Variants in TENM4 observed in about 807,000 individuals in gnomAD.
TENM4 encodes the protein teneurin transmembrane protein 4.
A neutral mutation model predicts 243.3 loss-of-function variants in TENM4; 82 were observed. That is an observed-to-expected ratio of 0.34 (90% CI 0.28 to 0.40). The LOEUF (loss-of-function observed/expected upper bound fraction) is 0.40, where lower values mean the gene tolerates loss of function less well. Among genes scored for constraint, TENM4 ranks in the 10% least tolerant of loss-of-function variants. TENM4 has a pLI of 1.00. For missense variants in TENM4, 3,138 were observed against 3,673.3 expected (o/e 0.85, Z 3.77); for synonymous variants, 1,412 against 1,456.3 (o/e 0.97, Z 0.69).
At chr11:79,091,698 T>C (rs1376897358) in intron 4 of TENM4, among the ~76,000 whole-genome samples, 1 of 152,124 alleles carries the variant, frequency 6.6e-6, no homozygotes, top group Non-Finnish European at 1.5e-5. Flanking sequence ...CCTATGACAC[T>C]GAGGTCTGAA....
At chr11:78,899,840 C>A (rs1029145658) in intron 7 of TENM4, among the ~76,000 whole-genome samples, 5 of 152,174 alleles carry the variant, frequency 3.3e-5, no homozygotes, top group Non-Finnish European at 5.9e-5. Flanking sequence ...GAGGCTCTCA[C>A]CAGAAGCAGA....
chr11:79,321,453 A>G (rs1337809115), intron 1 of TENM4, among the ~76,000 whole-genome samples: 2 of 152,162 alleles, frequency 1.3e-5, no homozygotes, highest in African/African-American at 4.8e-5. Context: ...TCGATGTCCC[A>G]AATGATTCAT....
chr11:79,284,021 A>G (rs975179196), intron 2 of TENM4, among the ~76,000 whole-genome samples: 3 of 152,230 alleles, frequency 2.0e-5, no homozygotes, highest in Non-Finnish European at 4.4e-5. Flanking sequence ...TTGTATACTA[A>G]ATATTATAAA....
intron 33 of TENM4, among the ~76,000 whole-genome samples, chr11:78,660,489 A>G (rs971521624): frequency 2.6e-5 from 4 of 152,164 alleles, no homozygotes; most frequent in African/African-American, 7.2e-5. Context: ...ACCAGCGTAC[A>G]GGGGTGCAGA....
intron 4 of TENM4, among the ~76,000 whole-genome samples, chr11:79,107,126 C>T (rs1861390268): frequency 6.6e-6 from 1 of 152,036 alleles, no homozygotes; most frequent in Admixed American, 6.6e-5. Flanking sequence ...TTAACTTGCT[C>T]ACGGTTCTAT....
chr11:78,932,696 A>G (rs1311387146), intron 6 of TENM4, among the ~76,000 whole-genome samples: 1 of 152,104 alleles, frequency 6.6e-6, no homozygotes, highest in Non-Finnish European at 1.5e-5. Context: ...TTTTCCATGG[A>G]CCAGTGGCAG....
At chr11:78,733,669 T>C (rs1312751677) in intron 20 of TENM4, among the ~76,000 whole-genome samples, 1 of 152,170 alleles carries the variant, frequency 6.6e-6, no homozygotes, top group Non-Finnish European at 1.5e-5. Context: ...ACTGAGTTCC[T>C]CCCTATTTGT....
chr11:78,973,437 G>C (rs879245157), intron 6 of TENM4, among the ~76,000 whole-genome samples: 1 of 152,148 alleles, frequency 6.6e-6, no homozygotes, highest in African/African-American at 2.4e-5. Flanking sequence ...ATGATGCTTG[G>C]CATATTTTCA....
At chr11:78,799,510 C>T (rs1420514026) in intron 15 of TENM4, among the ~76,000 whole-genome samples, 1 of 152,236 alleles carries the variant, frequency 6.6e-6, no homozygotes, top group Non-Finnish European at 1.5e-5. Context: ...CTATATAAAA[C>T]TACTTCATTT....
At chr11:79,263,170 G>T (rs116379912) in intron 2 of TENM4, among the ~76,000 whole-genome samples, 42 of 152,316 alleles carry the variant, frequency 2.8e-4, no homozygotes, top group African/African-American at 1.0e-3. Context: ...GTTTCCCTTT[G>T]TCTCTGGGCC....
At chr11:78,858,716 G>C (rs1475503128) in intron 10 of TENM4, among the ~76,000 whole-genome samples, 4 of 152,208 alleles carry the variant, frequency 2.6e-5, no homozygotes, top group Non-Finnish European at 4.4e-5. Flanking sequence ...ACCAGTGGTG[G>C]AATCATAAGG....
intron 6 of TENM4, among the ~76,000 whole-genome samples, chr11:79,036,955 G>A (rs1859398235): frequency 6.8e-6 from 1 of 146,072 alleles, no homozygotes; most frequent in Non-Finnish European, 1.5e-5. Context: ...AGCTTGCAGT[G>A]AGCGGAGATT....
intron 2 of TENM4, among the ~76,000 whole-genome samples, chr11:79,235,982 C>G (rs525155): frequency 0.54 from 82,136 of 151,798 alleles, 22,749 homozygotes; most frequent in Middle Eastern, 0.62. Context: ...TAGGAGAAAG[C>G]CGCTGCTGCC....
At chr11:79,147,246 C>A (rs1862411576) in intron 4 of TENM4, among the ~76,000 whole-genome samples, 1 of 152,096 alleles carries the variant, frequency 6.6e-6, no homozygotes, top group African/African-American at 2.4e-5. Context: ...CACTCACCAC[C>A]AGCCTTCTGA....
At chr11:79,055,244 C>T (rs1859913154) in intron 6 of TENM4, among the ~76,000 whole-genome samples, 1 of 151,148 alleles carries the variant, frequency 6.6e-6, no homozygotes, top group Non-Finnish European at 1.5e-5. Context: ...ATTATTATTA[C>T]TAATTTATTT....
intron 28 of TENM4, among the ~76,000 whole-genome samples, chr11:78,697,316 T>C (rs775317931): frequency 1.2e-4 from 19 of 152,160 alleles, no homozygotes; most frequent in Non-Finnish European, 2.6e-4. Flanking sequence ...AGGGCCCACA[T>C]CTTGTCTCTT....
Position 79,069,762 on chromosome 11 carries a change from C to G in TENM4, c.183G>C (p.Lys61Asn), listed in dbSNP as rs558299726. 9.0e-6 allele frequency: 14 copies of G among 1,551,242 alleles called. No homozygotes were observed. The African/African-American group carries it at 1.9e-4, about 21-fold the overall frequency. ...CCTCGGCCTCCTGCGGCACAATGTC[C>G]TTGACGCGGCTGCCATAGGCTAGGC... ...DARLAYGSRV[K>N]DIVPQEAEEF... Residue 61 changes from lysine (K) to asparagine (N), a missense_variant, in exon 5 of 34, where the codon AAG (lysine) becomes AAC (asparagine). Physicochemically the swap from Lys to Asn is moderately conservative, Grantham distance 94. Coordinates refer to ENST00000278550, the MANE Select transcript of TENM4 (RefSeq NM_001098816.3).
Position 79,012,418 on chromosome 11 carries a change from T to A in TENM4, c.493+52320A>T, listed in dbSNP as rs540013886. Among the ~76,000 whole-genome samples, 3 of 152,148 alleles carry A rather than the reference T, an allele frequency of 2.0e-5. No individual in the cohort carries two copies. In the South Asian group the frequency reaches 6.2e-4, roughly 32 times the overall value. Reference sequence around the variant, plus strand: ...TGGGAAGATGGGTGTTGGTGCTTACTGAGTACCTACCATGTGCCAGGCAGT... The same window carrying A: ...TGGGAAGATGGGTGTTGGTGCTTACAGAGTACCTACCATGTGCCAGGCAGT... On this transcript the variant is annotated intron_variant, in intron 6 of 33. Coordinates refer to ENST00000278550, the MANE Select transcript of TENM4 (RefSeq NM_001098816.3).
chr11:78,841,881 G>A (rs548244948), intron 12 of TENM4, among the ~76,000 whole-genome samples: 27 of 152,226 alleles, frequency 1.8e-4, no homozygotes, highest in Non-Finnish European at 3.2e-4. Context: ...CAATGAGGGC[G>A]CCAGTGACCT....
Sources: allele counts gnomAD v4.1 joint callset (sites outside exome capture counted in the v4.1 genomes callset), GRCh38; gene constraint gnomAD v4.1.1; transcripts MANE v1.5; gene names NCBI Gene and HGNC (gene_info 2026-07-23, HGNC 2026-07-21).